Variants in SRRM3 observed in about 807,000 individuals in gnomAD.
SRRM3 encodes serine/arginine repetitive matrix 3.
Under a neutral mutation model 66.2 loss-of-function variants are expected in SRRM3, and 27 were observed. That is an observed-to-expected ratio of 0.41 (90% CI 0.30 to 0.56). SRRM3 has a LOEUF of 0.56. SRRM3 is among the 20% of genes least tolerant of loss of function. The pLI, the probability that SRRM3 is intolerant of heterozygous loss-of-function variation, is 0.32. For missense variants in SRRM3, 918 were observed against 991.9 expected (o/e 0.93, Z 1.00); for synonymous variants, 391 against 414.9 (o/e 0.94, Z 0.70).
At chr7:76,277,733 AAAGAGAG>A (rs1478371628) in intron 11 of SRRM3, among the ~76,000 whole-genome samples, 3 of 144,978 alleles carry the variant, frequency 2.1e-5, no homozygotes, top group Non-Finnish European at 3.0e-5. Flanking sequence ...AAAAAAAAAA[AAAGAGAG>A]AGAGAGAAAG....
intron 5 of SRRM3, among the ~76,000 whole-genome samples, chr7:76,260,637 A>G (rs536505366): frequency 6.7e-6 from 1 of 150,314 alleles, no homozygotes; most frequent in African/African-American, 2.5e-5. Context: ...CCAGAGCCAG[A>G]CTCACTGACC....
At chr7:76,263,302 G>C (rs1169685063) in intron 8 of SRRM3, among the ~76,000 whole-genome samples, 4 of 152,216 alleles carry the variant, frequency 2.6e-5, no homozygotes, top group Non-Finnish European at 5.9e-5. Context: ...GCTCCTGTGG[G>C]AGCACATTTC....
rs191365967 is a variant in SRRM3 at position 76,241,229 on chromosome 7, G to A, written c.233+5930G>A. 1.0e-3 allele frequency among the ~76,000 whole-genome samples: 153 copies of A among 152,262 alleles called. 1 individual carries two copies. Among genetic ancestry groups the A allele is most frequent in the Non-Finnish European group, 1.7e-3 (114 of 68,032 alleles). ...CCTTGACTTTGAGTTTGAAGCTTTG[G>A]CCATGCTAGCCAGCCTTCCTGCATG... On this transcript the variant is annotated intron_variant, in intron 2 of 14. Coordinates refer to ENST00000611745, the MANE Select transcript of SRRM3 (RefSeq NM_001110199.3).
chr7:76,284,417 A>T (rs1226417423), intron 14 of SRRM3, among the ~76,000 whole-genome samples: 1 of 152,070 alleles, frequency 6.6e-6, no homozygotes, highest in Non-Finnish European at 1.5e-5. Flanking sequence ...ACCTCAGGTG[A>T]TCCACCTGCC....
At chr7:76,222,499 A>G (rs868919955) in intron 1 of SRRM3, among the ~76,000 whole-genome samples, 1 of 151,292 alleles carries the variant, frequency 6.6e-6, no homozygotes, top group Non-Finnish European at 1.5e-5. Context: ...CTGGCTCCCT[A>G]TTGCCTGCAG....
At chr7:76,217,471 G>A (rs1800598374) in intron 1 of SRRM3, among the ~76,000 whole-genome samples, 1 of 152,120 alleles carries the variant, frequency 6.6e-6, no homozygotes, top group South Asian at 2.1e-4. Context: ...TTTTAGTAGA[G>A]ACTGAGTTTC....
At chr7:76,234,194 A>AGTGTGTGTGTGTGTGTGTGTGTGT (rs58369922) in intron 1 of SRRM3, among the ~76,000 whole-genome samples, 1 of 141,078 alleles carries the variant, frequency 7.1e-6, no homozygotes, top group African/African-American at 2.6e-5. Flanking sequence ...AAGTCCTTGG[A>AGTGTGTGTGTGTGTGTGTGTGTGT]GTGTGTGTGT....
chr7:76,245,921 C>T (rs1801429592), intron 2 of SRRM3, among the ~76,000 whole-genome samples: 1 of 152,106 alleles, frequency 6.6e-6, no homozygotes, highest in Non-Finnish European at 1.5e-5. Flanking sequence ...TGGTCTCGAA[C>T]TCCTGACCTC....
intron 1 of SRRM3, among the ~76,000 whole-genome samples, chr7:76,232,629 C>T (rs186041799): frequency 5.1e-4 from 78 of 151,606 alleles, no homozygotes; most frequent in African/African-American, 1.8e-3. Context: ...GGAAGGCTTC[C>T]GGAAGGTGAT....
At chr7:76,272,843 C>A (rs1162195368) in intron 11 of SRRM3, among the ~76,000 whole-genome samples, 1 of 152,078 alleles carries the variant, frequency 6.6e-6, no homozygotes, top group East Asian at 1.9e-4. Context: ...GCCAAGGCAC[C>A]CCCTGACCTG....
chr7:76,211,608 C>CAT (rs1554601706), intron 1 of SRRM3, among the ~76,000 whole-genome samples: 1 of 152,076 alleles, frequency 6.6e-6, no homozygotes, highest in African/African-American at 2.4e-5. Context: ...GGACATAGGT[C>CAT]ATATGGCCTG....
chr7:76,235,385 C>G, intron 2 of SRRM3, 86 bp downstream of exon 2: 1 of 1,184,142 alleles, frequency 8.4e-7, no homozygotes, highest in Non-Finnish European at 1.1e-6. Context: ...GTGGGCGTGG[C>G]GAACGTCGTG....
intron 1 of SRRM3, among the ~76,000 whole-genome samples, chr7:76,215,025 A>C (rs1165847929): frequency 6.9e-6 from 1 of 145,706 alleles, no homozygotes; most frequent in African/African-American, 2.7e-5. Context: ...TGCTAGGATG[A>C]CGTGCATATA....
chr7:76,249,290 A>C (rs1801514424), intron 3 of SRRM3, among the ~76,000 whole-genome samples: 1 of 151,458 alleles, frequency 6.6e-6, no homozygotes, highest in Non-Finnish European at 1.5e-5. Flanking sequence ...GGGAGCTGAG[A>C]CACGAGAATC....
chr7:76,235,228 C>T lies in SRRM3; in HGVS notation c.162C>T (p.Ile54=). The stretch of plus-strand genomic sequence containing the variant: ...TGGTGAAGCGCGCGCACCGCGAGAT[C>T]CTGGACCACGAGCGCAAGCGGCGGG... The part of the protein sequence containing the change: ...PGLVKRAHRE[I]LDHERKRRVE... The change falls in exon 2 of 15, where the codon ATC becomes ATT. Residue 54 remains isoleucine (I), a synonymous_variant. Transcript: ENST00000611745. 1 of 1,555,334 alleles carries T rather than the reference C, an allele frequency of 6.4e-7. No individual in the cohort carries two copies. Among genetic ancestry groups the T allele is most frequent in the Non-Finnish European group, 8.6e-7 (1 of 1,159,192 alleles).
chr7:76,276,320 G>T (rs1554611138), intron 11 of SRRM3, among the ~76,000 whole-genome samples: 1 of 152,114 alleles, frequency 6.6e-6, no homozygotes, highest in African/African-American at 2.4e-5. Context: ...GCAGACCTGG[G>T]CCTCCCAGGA....
chr7:76,210,620 G>T (rs1413268100), intron 1 of SRRM3, among the ~76,000 whole-genome samples: 3 of 152,120 alleles, frequency 2.0e-5, no homozygotes, highest in Non-Finnish European at 4.4e-5. Context: ...ACACACCTGT[G>T]GTCCTAGATA....
intron 2 of SRRM3, among the ~76,000 whole-genome samples, chr7:76,245,388 T>G (rs1234985829): frequency 6.6e-6 from 1 of 152,174 alleles, no homozygotes; most frequent in Non-Finnish European, 1.5e-5. Flanking sequence ...TCTTTTTAAA[T>G]TTTTTTAAAA....
chr7:76,258,713 C>CAA (rs201265747), intron 3 of SRRM3, among the ~76,000 whole-genome samples: 64 of 68,222 alleles, frequency 9.4e-4, no homozygotes, highest in Non-Finnish European at 1.5e-3. Flanking sequence ...GACTCCATCT[C>CAA]AAAAAAAAAA....
Sources: allele counts gnomAD v4.1 joint callset (sites outside exome capture counted in the v4.1 genomes callset), GRCh38; gene constraint gnomAD v4.1.1; transcripts MANE v1.5; gene names NCBI Gene and HGNC (gene_info 2026-07-23, HGNC 2026-07-21).